ANO6: variants seen among roughly 807,000 people sequenced by gnomAD.
ANO6 encodes anoctamin-6.
Under a neutral mutation model 117.5 loss-of-function variants are expected in ANO6, and 106 were observed. The ratio of observed to expected loss-of-function variants is 0.90; its 90% CI spans 0.77 to 1.06. ANO6 has a LOEUF of 1.06. Among genes scored for constraint, ANO6 ranks in the 50% least tolerant of loss-of-function variants. The probability of loss-of-function intolerance (pLI) is 0.00; values close to 1 mark genes in which losing one functional copy is unlikely to be tolerated. For missense variants in ANO6, 955 were observed against 1,121.1 expected, an observed-to-expected ratio of 0.85 and a Z score of 2.12; for synonymous variants, 367 against 385.1, an observed-to-expected ratio of 0.95 and a Z score of 0.55.
intron 3 of ANO6, among the ~76,000 whole-genome samples, chr12:45,338,951 C>T (rs1000435020): frequency 3.9e-5 from 6 of 152,030 alleles, no homozygotes; most frequent in Non-Finnish European, 8.8e-5. Flanking sequence ...GATTGCTCCT[C>T]CTGAGGTCTG....
At chr12:45,234,719 C>A (rs1376365841) in intron 1 of ANO6, among the ~76,000 whole-genome samples, 1 of 151,236 alleles carries the variant, frequency 6.6e-6, no homozygotes, top group African/African-American at 2.4e-5. Context: ...CTTGACAGAA[C>A]CCCCCACCCC....
chr12:45,428,211 G>C (rs1943551615), intron 19 of ANO6, among the ~76,000 whole-genome samples: 1 of 152,190 alleles, frequency 6.6e-6, no homozygotes, highest in African/African-American at 2.4e-5. Context: ...CTCAATGCCT[G>C]TTCATAGGGG....
At chr12:45,252,098 A>G (rs1937642024) in intron 1 of ANO6, among the ~76,000 whole-genome samples, 1 of 152,218 alleles carries the variant, frequency 6.6e-6, no homozygotes, top group Admixed American at 6.5e-5. Flanking sequence ...ATGAGTTTTA[A>G]CATAGAATGA....
In ANO6 at chr12:45,432,208, G is replaced by A. The variant is rs750406391; in HGVS notation, c.*2897G>A. The A allele has an allele frequency of 2.6e-4, 251 of 983,664 alleles. No individual in the cohort carries two copies. Among genetic ancestry groups the A allele is most frequent in the Non-Finnish European group, 3.0e-4 (248 of 829,182 alleles). 60.9% of individuals were successfully genotyped at this position (983,664 alleles called of 1,614,324 possible). A position where few individuals can be genotyped will look rare whatever the true frequency, so the allele number is the denominator to read the frequency against. On this transcript the variant is annotated 3_prime_UTR_variant, in exon 20 of 20. Coordinates refer to ENST00000320560, the MANE Select transcript of ANO6 (RefSeq NM_001025356.3). ...CTATTCATGATGCTTTTCACACATT[G>A]TGGCATAAGATGTAAAGTTTGTAAT... is the stretch of plus-strand genomic sequence containing the variant.
intron 15 of ANO6, 64 bp from the exon 16 acceptor site, chr12:45,409,293 A>C: frequency 6.3e-7 from 1 of 1,597,514 alleles, no homozygotes; most frequent in Admixed American, 1.7e-5. Flanking sequence ...GATAGCAGCA[A>C]AATATTTTTA....
intron 1 of ANO6, among the ~76,000 whole-genome samples, chr12:45,266,804 A>G (rs1333246358): frequency 1.1e-5 from 1 of 89,956 alleles, no homozygotes; most frequent in African/African-American, 4.7e-5. Context: ...CTCAAAAAAC[A>G]AGTGTGTGTG....
Position 45,334,801 on chromosome 12 carries a change from C to T in ANO6, c.279+3378C>T, listed in dbSNP as rs184840916. 7.3e-3 allele frequency among the ~76,000 whole-genome samples: 1,107 copies of T among 152,090 alleles called. 5 individuals are homozygous for T. The highest frequency in any genetic ancestry group is 0.024 in the Admixed American group (371 of 15,250). The stretch of plus-strand genomic sequence containing the variant: ...TATGTTTGATCCATATTGTAAAGAG[C>T]AAAGATGTTTTACATAAAACAAATT... On this transcript the variant is annotated intron_variant, in intron 3 of 19. Transcript: ENST00000320560.
At chr12:45,433,594 C>T (rs534711813), downstream of ANO6, among the ~76,000 whole-genome samples, 5 of 152,302 alleles carry the variant, frequency 3.3e-5, no homozygotes, top group African/African-American at 7.2e-5. Flanking sequence ...AACTTCAGAA[C>T]GGAATGCTGT....
At chr12:45,286,794 A>G (rs1432192964) in intron 1 of ANO6, among the ~76,000 whole-genome samples, 1 of 152,190 alleles carries the variant, frequency 6.6e-6, no homozygotes, top group Non-Finnish European at 1.5e-5. Context: ...GCCACAACTC[A>G]TTTTATCCTC....
At chr12:45,340,909 T>G (rs1319845723) in intron 3 of ANO6, among the ~76,000 whole-genome samples, 1 of 152,206 alleles carries the variant, frequency 6.6e-6, no homozygotes, top group Non-Finnish European at 1.5e-5. Flanking sequence ...CATATGCTAA[T>G]TTACTTTAGC....
At chr12:45,362,656 C>A (rs979788161) in intron 8 of ANO6, among the ~76,000 whole-genome samples, 1 of 151,762 alleles carries the variant, frequency 6.6e-6, no homozygotes, top group African/African-American at 2.4e-5. Context: ...ATAGATATTT[C>A]TAGTATGCCA....
intron 1 of ANO6, among the ~76,000 whole-genome samples, chr12:45,275,153 T>C (rs1199512086): frequency 6.6e-6 from 1 of 152,100 alleles, no homozygotes; most frequent in East Asian, 1.9e-4. Context: ...CACCTTTCTC[T>C]AGACCCTTAG....
chr12:45,383,921 C>T (rs1026349444), intron 10 of ANO6, among the ~76,000 whole-genome samples: 2 of 152,224 alleles, frequency 1.3e-5, no homozygotes, highest in Non-Finnish European at 2.9e-5. Context: ...CTTAGAAGTT[C>T]TGAAGCCAGG....
intron 2 of ANO6, among the ~76,000 whole-genome samples, chr12:45,327,032 T>G (rs866054073): frequency 7.9e-5 from 12 of 152,196 alleles, no homozygotes; most frequent in African/African-American, 2.7e-4. Flanking sequence ...CTAGTCTGTA[T>G]TGCCCTTTAC....
chr12:45,355,386 G>C (rs1450253376), intron 7 of ANO6, among the ~76,000 whole-genome samples: 2 of 152,016 alleles, frequency 1.3e-5, no homozygotes, highest in African/African-American at 4.8e-5. Context: ...TGAACTCCTT[G>C]TCACAGTAAA....
chr12:45,356,375 G>A (rs772287495), intron 7 of ANO6, among the ~76,000 whole-genome samples: 2 of 152,026 alleles, frequency 1.3e-5, no homozygotes, highest in Non-Finnish European at 2.9e-5. Context: ...CAACACAGGG[G>A]TAGGGCAGTG....
rs374950162 is a variant in ANO6 at position 45,244,152 on chromosome 12, T to C, written c.70+27761T>C. Among the ~76,000 whole-genome samples the C allele has an allele frequency of 3.1e-4, 47 of 152,312 alleles. 1 individual carries two copies. Among genetic ancestry groups the C allele is most frequent in the East Asian group, 1.7e-3 (9 of 5,186 alleles). On this transcript the variant is annotated intron_variant, in intron 1 of 19. Transcript: ENST00000320560. ...CTTCTGATGACAGAATGTGAAAGTT[T>C]CAGTTCATGTTCTTGTGATTGTCGC...
chr12:45,352,562 A>T (rs867902658), intron 7 of ANO6, among the ~76,000 whole-genome samples: 4,011 of 39,272 alleles, frequency 0.1, 76 homozygotes, highest in East Asian at 0.38. Flanking sequence ...TCCAGTCTTA[A>T]AAAAAAAAAA....
At chr12:45,328,441 T>G (rs1940547921) in intron 2 of ANO6, among the ~76,000 whole-genome samples, 1 of 152,150 alleles carries the variant, frequency 6.6e-6, no homozygotes, top group Admixed American at 6.5e-5. Context: ...AAATTTGATC[T>G]AGTGTCTTCT....
Sources: allele counts gnomAD v4.1 joint callset (sites outside exome capture counted in the v4.1 genomes callset), GRCh38; gene constraint gnomAD v4.1.1; transcripts MANE v1.5; gene names NCBI Gene and HGNC (gene_info 2026-07-23, HGNC 2026-07-21).